The following KHDRBS2 variants were observed in gnomAD, a reference collection of about 807,000 sequenced individuals.
KHDRBS2 encodes KH RNA binding domain containing, signal transduction associated 2.
A neutral mutation model predicts 44.3 loss-of-function variants in KHDRBS2; 26 were observed. The observed-to-expected ratio is 0.59, with a 90% CI of 0.43 to 0.81. The LOEUF (loss-of-function observed/expected upper bound fraction) is 0.81. Among genes scored for constraint, KHDRBS2 ranks in the 40% least tolerant of loss-of-function variants. The pLI, the probability that KHDRBS2 is intolerant of heterozygous loss-of-function variation, is 0.00. For missense variants in KHDRBS2, 476 were observed against 433.1 expected (o/e 1.10, Z -0.88); for synonymous variants, 194 against 151.1 (o/e 1.28, Z -2.08).
chr6:61,565,341 C>CT, the KHDRBS2 span, among the ~76,000 whole-genome samples: 1,783 of 152,162 alleles, frequency 0.012, 35 homozygotes, highest in African/African-American at 0.041. Context: ...TATAAAGCTT[C>CT]TGCACAACAA....
intron 6 of KHDRBS2, among the ~76,000 whole-genome samples, chr6:61,867,237 G>T (rs555470351): frequency 2.0e-5 from 3 of 152,320 alleles, no homozygotes; most frequent in African/African-American, 7.2e-5. Context: ...GGAGGAACAA[G>T]TCATGTCTTA....
At chr6:61,551,210 G>GTTGA in the KHDRBS2 span, among the ~76,000 whole-genome samples, 2 of 152,044 alleles carry the variant, frequency 1.3e-5, no homozygotes, top group Non-Finnish European at 2.9e-5. Flanking sequence ...TTTCAATGGG[G>GTTGA]TTGATTGTTT....
intron 4 of KHDRBS2, among the ~76,000 whole-genome samples, chr6:61,931,468 GAT>G (rs569980122): frequency 7.3e-5 from 11 of 151,712 alleles, no homozygotes; most frequent in African/African-American, 2.7e-4. Context: ...ATGTGCTAAA[GAT>G]ATATATATAC....
At chr6:61,582,315 G>A in the KHDRBS2 span, among the ~76,000 whole-genome samples, 7 of 151,448 alleles carry the variant, frequency 4.6e-5, no homozygotes, top group African/African-American at 1.7e-4. Flanking sequence ...AAAAAGCCTA[G>A]CAGGCCCATA....
intron 6 of KHDRBS2, among the ~76,000 whole-genome samples, chr6:61,855,493 T>C (rs1448074986): frequency 3.6e-5 from 1 of 27,788 alleles, no homozygotes; most frequent in East Asian, 8.2e-4. Context: ...TGTATATGTA[T>C]ATATATATAT....
chr6:61,871,195 G>A (rs1798607844), intron 6 of KHDRBS2, among the ~76,000 whole-genome samples: 2 of 152,156 alleles, frequency 1.3e-5, no homozygotes, highest in African/African-American at 4.8e-5. Flanking sequence ...ACCAGCATGA[G>A]AACTTCGTCA....
chr6:62,147,528 T>G (rs1303580504), intron 2 of KHDRBS2, among the ~76,000 whole-genome samples: 1 of 151,884 alleles, frequency 6.6e-6, no homozygotes, highest in Non-Finnish European at 1.5e-5. Context: ...CTGTAACTTC[T>G]CGGATACCAC....
the KHDRBS2 span, among the ~76,000 whole-genome samples, chr6:61,623,284 C>T: frequency 6.6e-6 from 1 of 152,128 alleles, no homozygotes; most frequent in Non-Finnish European, 1.5e-5. Flanking sequence ...GCAGCAAGAA[C>T]AGACTGTAAA....
At chr6:62,282,731 G>A (rs1841971850) in intron 1 of KHDRBS2, among the ~76,000 whole-genome samples, 1 of 152,046 alleles carries the variant, frequency 6.6e-6, no homozygotes, top group African/African-American at 2.4e-5. Context: ...AACTAGGAAA[G>A]AATGAAAAAA....
chr6:62,049,991 T>A (rs1584365602), intron 2 of KHDRBS2, among the ~76,000 whole-genome samples: 1 of 152,014 alleles, frequency 6.6e-6, no homozygotes, highest in East Asian at 1.9e-4. Context: ...ACATGCACAC[T>A]TATGTTTATT....
chr6:62,215,979 G>A (rs1223444947), intron 1 of KHDRBS2, among the ~76,000 whole-genome samples: 2 of 151,644 alleles, frequency 1.3e-5, no homozygotes, highest in East Asian at 3.8e-4. Context: ...ATCACATTCA[G>A]AAATAACACC....
rs140279484 is a variant in KHDRBS2 at position 61,979,034 on chromosome 6, T to C, written c.337-822A>G. Among the ~76,000 whole-genome samples the C allele has an allele frequency of 3.2e-3, 487 of 152,248 alleles. 4 individuals carry two copies. The highest frequency in any genetic ancestry group is 0.011 in the African/African-American group (459 of 41,554). ...TGCCCAAGCCATTATTGAAACCTGG[T>C]TAATTCAGTGCAGGTGTACAGCAAA... is the stretch of plus-strand genomic sequence containing the variant. On this transcript the variant is annotated intron_variant, in intron 3 of 8. Transcript: ENST00000281156.
At chr6:61,724,765 A>G (rs926737699) in intron 7 of KHDRBS2, among the ~76,000 whole-genome samples, 2 of 152,154 alleles carry the variant, frequency 1.3e-5, no homozygotes, top group African/African-American at 4.8e-5. Flanking sequence ...GCTAACTATC[A>G]TAAATATATA....
At chr6:62,098,839 T>A (rs1348373640) in intron 2 of KHDRBS2, among the ~76,000 whole-genome samples, 10 of 152,306 alleles carry the variant, frequency 6.6e-5, no homozygotes, top group African/African-American at 2.4e-4. Context: ...CTTTATATTA[T>A]TTTTTCCCCT....
chr6:61,679,161 CA>C (rs752134279), downstream of KHDRBS2, among the ~76,000 whole-genome samples: 28 of 151,950 alleles, frequency 1.8e-4, no homozygotes, highest in African/African-American at 6.3e-4. Flanking sequence ...CCACCATAAA[CA>C]AAAAAACTGT....
At chr6:61,665,644 A>G in the KHDRBS2 span, among the ~76,000 whole-genome samples, 1 of 151,378 alleles carries the variant, frequency 6.6e-6, no homozygotes, top group Non-Finnish European at 1.5e-5. Flanking sequence ...ATACAATCTT[A>G]TTCATTTATG....
chr6:62,040,936 G>A (rs1179279170), intron 3 of KHDRBS2, among the ~76,000 whole-genome samples: 2 of 152,064 alleles, frequency 1.3e-5, no homozygotes, highest in Non-Finnish European at 2.9e-5. Context: ...ATAATTTGCA[G>A]CCATTTTTAA....
At chr6:61,783,188 T>C (rs1263017048) in intron 6 of KHDRBS2, among the ~76,000 whole-genome samples, 1 of 152,128 alleles carries the variant, frequency 6.6e-6, no homozygotes, top group Non-Finnish European at 1.5e-5. Context: ...TCAGCTTTCA[T>C]CTATATATAA....
chr6:61,931,309 G>A (rs1364901655), intron 4 of KHDRBS2, among the ~76,000 whole-genome samples: 1 of 151,666 alleles, frequency 6.6e-6, no homozygotes, highest in Non-Finnish European at 1.5e-5. Context: ...GAAACTTTCA[G>A]GTAACTAAAC....
Sources: allele counts gnomAD v4.1 joint callset (sites outside exome capture counted in the v4.1 genomes callset), GRCh38; gene constraint gnomAD v4.1.1; transcripts MANE v1.5; gene names NCBI Gene and HGNC (gene_info 2026-07-23, HGNC 2026-07-21).